The following SIK3 variants were observed in gnomAD, a reference collection of about 807,000 sequenced individuals.
SIK3 encodes the protein SIK family kinase 3.
Under a neutral mutation model 144.2 loss-of-function variants are expected in SIK3, and 28 were observed. The observed-to-expected ratio is 0.19, with a 90% confidence interval of 0.14 to 0.27. SIK3 has a LOEUF of 0.27. Ranked by LOEUF, SIK3 falls within the 10% of genes least tolerant of loss-of-function variation. The probability of loss-of-function intolerance (pLI) is 1.00; values close to 1 mark genes in which losing one functional copy is unlikely to be tolerated. For missense variants in SIK3, 1,319 were observed against 1,776.0 expected, an observed-to-expected ratio of 0.74 and a Z score of 4.62; for synonymous variants, 686 against 676.3, an observed-to-expected ratio of 1.01 and a Z score of -0.22.
intron 4 of SIK3, among the ~76,000 whole-genome samples, chr11:116,908,725 A>C (rs1946181691): frequency 6.6e-6 from 1 of 152,206 alleles, no homozygotes. Context: ...CAAGATAATC[A>C]TTACACAGTT....
intron 1 of SIK3, chr11:117,035,709 C>A: frequency 1.1e-6 from 1 of 915,946 alleles, no homozygotes; most frequent in Non-Finnish European, 1.7e-6. Context: ...TGCATGCCAC[C>A]ATGCCCGGCT....
chr11:117,098,334 G>A lies in SIK3; in HGVS notation c.82C>T (p.Pro28Ser). The A allele has an allele frequency of 1.7e-6, 2 of 1,153,518 alleles. No homozygotes were observed. Among genetic ancestry groups the A allele is most frequent in the Non-Finnish European group, 2.1e-6 (2 of 940,760 alleles). 71.5% of individuals were successfully genotyped at this position (1,153,518 alleles called of 1,614,324 possible). Reference protein sequence around the residue: ...GGAGPAGRLLPPPAPGSPAAP... With the variant: ...GGAGPAGRLLSPPAPGSPAAP... ...GCTGGGGACCCCGGCGCGGGCGGAG[G>A]CAGCAGGCGGCCCGCGGGCCCGGCT... Residue 28 changes from proline to serine, a missense_variant, in exon 1 of 25, where the codon CCT (proline) becomes TCT (serine). Pro to Ser is a moderately conservative substitution (Grantham distance 74). Coordinates refer to ENST00000445177, the MANE Select transcript of SIK3 (RefSeq NM_001366686.3).
chr11:116,880,536 A>G lies in SIK3; in HGVS notation c.866-3494T>C, dbSNP rs1275771043. On this transcript the variant is annotated intron_variant, in intron 6 of 24. Coordinates refer to ENST00000445177, the MANE Select transcript of SIK3 (RefSeq NM_001366686.3). ...AAGGAACAGAAATTTAACATTTTTC[A>G]TATGTGGTGCAGATGGAAAATATGA... 2.0e-5 allele frequency among the ~76,000 whole-genome samples: 3 copies of G among 152,200 alleles called. No homozygotes were observed. In the East Asian group the frequency reaches 5.8e-4, roughly 29 times the overall value.
chr11:116,998,470 TAA>T (rs59998385), intron 1 of SIK3, among the ~76,000 whole-genome samples: 31,821 of 136,168 alleles, frequency 0.23, 3,767 homozygotes, highest in Admixed American at 0.28. Context: ...GACTCCGTCT[TAA>T]AAAAAAAAAA....
chr11:116,868,209 T>C, intron 14 of SIK3, 120 bp from the exon 15 acceptor site: 1 of 1,288,098 alleles, frequency 7.8e-7, no homozygotes. Flanking sequence ...CACGAAGGCT[T>C]GATGGCAAAC....
chr11:116,906,093 T>A (rs1244089671), intron 4 of SIK3, among the ~76,000 whole-genome samples: 2 of 152,184 alleles, frequency 1.3e-5, no homozygotes, highest in Non-Finnish European at 2.9e-5. Context: ...TGCTAGGACT[T>A]CTGAGCAGGC....
chr11:116,910,543 ATCT>A (rs1034656929), intron 4 of SIK3, among the ~76,000 whole-genome samples: 7 of 152,182 alleles, frequency 4.6e-5, no homozygotes, highest in Admixed American at 4.6e-4. Flanking sequence ...TTTGGTAACA[ATCT>A]TCTTTCACCA....
intron 4 of SIK3, among the ~76,000 whole-genome samples, chr11:116,912,340 T>C (rs1461652854): frequency 2.0e-5 from 3 of 152,232 alleles, no homozygotes; most frequent in Non-Finnish European, 4.4e-5. Flanking sequence ...CAACTGGATA[T>C]GTCTATGTGG....
Position 116,863,798 on chromosome 11 carries a change from T to C in SIK3, c.1973A>G (p.Asn658Ser). 1 of 1,613,024 alleles carries C rather than the reference T, an allele frequency of 6.2e-7. No homozygotes were observed. Among genetic ancestry groups the C allele is most frequent in the Non-Finnish European group, 8.5e-7 (1 of 1,179,346 alleles). The change falls in exon 16 of 25, where the codon AAC becomes AGC. Residue 658 changes from asparagine (N) to serine (S), a missense_variant. Asn to Ser is a conservative substitution (Grantham distance 46, BLOSUM62 1). This residue lies in a region of SIK3 where 47 missense variants were observed against 40.2 expected (regional missense o/e 1.17). Transcript: ENST00000445177. The part of the protein sequence containing the change: ...DQHRSTYKDS[N>S]TLHLPTERFS... ...ACGCTCCGTAGGGAGGTGCAGAGTGTTGGAGTCCTTGTAGGTAGAGCTGAA... is the reference window on the plus strand; with the variant it reads ...ACGCTCCGTAGGGAGGTGCAGAGTGCTGGAGTCCTTGTAGGTAGAGCTGAA...
chr11:117,051,807 G>A (rs1343581188), intron 1 of SIK3, among the ~76,000 whole-genome samples: 1 of 151,854 alleles, frequency 6.6e-6, no homozygotes, highest in African/African-American at 2.4e-5. Flanking sequence ...GGGATTACAG[G>A]CATGAGCTAC....
At chr11:117,032,644 C>G (rs938794202) in intron 1 of SIK3, among the ~76,000 whole-genome samples, 1 of 150,784 alleles carries the variant, frequency 6.6e-6, no homozygotes, top group Non-Finnish European at 1.5e-5. Flanking sequence ...GTAGCTGGGA[C>G]TATGACACGC....
At chr11:116,899,292 C>A (rs1302101790) in intron 4 of SIK3, among the ~76,000 whole-genome samples, 2 of 151,634 alleles carry the variant, frequency 1.3e-5, no homozygotes, top group African/African-American at 2.4e-5. Flanking sequence ...AGATATGCAG[C>A]GTTATTTCTG....
At chr11:116,930,545 G>A (rs1947542341) in intron 3 of SIK3, among the ~76,000 whole-genome samples, 1 of 152,150 alleles carries the variant, frequency 6.6e-6, no homozygotes, top group African/African-American at 2.4e-5. Context: ...ACTTTCAGAA[G>A]GCAAATGAAA....
Position 116,846,819 on chromosome 11 carries a change from G to A in SIK3, c.3953-266C>T, listed in dbSNP as rs765389558. On this transcript the variant is annotated intron_variant, in intron 23 of 24. Coordinates refer to ENST00000445177, the MANE Select transcript of SIK3 (RefSeq NM_001366686.3). The surrounding 1 kb of genome is among the most constrained non-coding windows in gnomAD (Gnocchi z 4.1). Reference sequence around the variant, plus strand: ...TCCTTAGGTAAGATCAACTACTGTAGTGTGAGAGAAGATAGAGGACTCCTT... The same window carrying A: ...TCCTTAGGTAAGATCAACTACTGTAATGTGAGAGAAGATAGAGGACTCCTT... Among the ~76,000 whole-genome samples, 1 of 152,178 alleles carries A rather than the reference G, an allele frequency of 6.6e-6. No homozygotes were observed. Among genetic ancestry groups the A allele is most frequent in the Non-Finnish European group, 1.5e-5 (1 of 68,030 alleles).
chr11:116,947,152 AATATATT>A (rs1223272126), intron 3 of SIK3, among the ~76,000 whole-genome samples: 8 of 119,556 alleles, frequency 6.7e-5, no homozygotes, highest in African/African-American at 2.8e-4. Flanking sequence ...ATTTATATAT[AATATATT>A]ATATATAAAT....
chr11:116,951,824 C>T (rs1048883967), intron 3 of SIK3, among the ~76,000 whole-genome samples: 1 of 151,968 alleles, frequency 6.6e-6, no homozygotes, highest in Admixed American at 6.6e-5. Flanking sequence ...GTCCCAGCTA[C>T]TCAGGAAGCT....
chr11:117,066,788 C>T (rs528621792), intron 1 of SIK3, among the ~76,000 whole-genome samples: 88 of 152,282 alleles, frequency 5.8e-4, no homozygotes, highest in Admixed American at 3.5e-3. Context: ...CCCACTTTGG[C>T]CTCCCAAAGT....
At chr11:116,933,599 T>C (rs1177896438) in intron 3 of SIK3, among the ~76,000 whole-genome samples, 1 of 152,210 alleles carries the variant, frequency 6.6e-6, no homozygotes, top group Non-Finnish European at 1.5e-5. Flanking sequence ...TAGAATTTTA[T>C]ATGAATATAA....
intron 15 of SIK3, chr11:116,864,031 C>T: frequency 2.3e-6 from 1 of 439,510 alleles, no homozygotes; most frequent in Non-Finnish European, 4.0e-6. Context: ...TTTCTACTTA[C>T]CTTCGGTTGG....
Sources: gnomAD v4.1 joint callset for allele counts (sites outside exome capture counted in the v4.1 genomes callset) on GRCh38, gnomAD v4.1.1 for gene constraint, gnomAD v4.1.1 regional missense constraint, Gnocchi (gnomAD v3.1) non-coding constraint, MANE v1.5 for transcripts, NCBI Gene and HGNC (gene_info 2026-07-23, HGNC 2026-07-21) for gene names.